Variants in LRRC3B observed in about 807,000 individuals in gnomAD.
LRRC3B encodes the protein leucine rich repeat containing 3B, also known as leucine-rich repeat-containing protein 3B.
LRRC3B carries 2 observed loss-of-function variants against 12.8 expected under a neutral mutation model. The ratio of observed to expected loss-of-function variants is 0.16; its 90% CI spans 0.06 to 0.49. LRRC3B has a LOEUF of 0.49. Ranked by LOEUF, LRRC3B falls within the 20% of genes least tolerant of loss-of-function variation. The pLI is 0.96. For synonymous variants in LRRC3B, 132 were observed against 122.0 expected, an observed-to-expected ratio of 1.08 and a Z score of -0.54; for missense variants, 189 against 319.4, an observed-to-expected ratio of 0.59 and a Z score of 3.11.
At chr3:26,636,852 C>CCCTT (rs1559350102) in intron 1 of LRRC3B, among the ~76,000 whole-genome samples, 9 of 88,788 alleles carry the variant, frequency 1.0e-4, no homozygotes, top group African/African-American at 3.3e-4. Context: ...CTCCCTCCCT[C>CCCTT]CCTCCCTCCC....
At chr3:26,633,888 C>G (rs901296800) in intron 1 of LRRC3B, among the ~76,000 whole-genome samples, 18 of 152,118 alleles carry the variant, frequency 1.2e-4, no homozygotes, top group African/African-American at 3.4e-4. Context: ...ATATAGGGAA[C>G]TTTGGGTTTT....
chr3:26,690,456 A>G (rs1434941598), intron 1 of LRRC3B, among the ~76,000 whole-genome samples: 1 of 152,194 alleles, frequency 6.6e-6, no homozygotes, highest in East Asian at 1.9e-4. Flanking sequence ...TGTCTGAGCA[A>G]GGAGACAGGG....
chr3:26,641,585 C>G (rs962261381), intron 1 of LRRC3B, among the ~76,000 whole-genome samples: 1 of 152,074 alleles, frequency 6.6e-6, no homozygotes, highest in African/African-American at 2.4e-5. Flanking sequence ...GAAACCCGAG[C>G]TGGAAGTGGC....
chr3:26,663,404 T>C (rs11926193), intron 1 of LRRC3B, among the ~76,000 whole-genome samples: 32,853 of 152,058 alleles, frequency 0.22, 3,918 homozygotes, highest in East Asian at 0.33. Flanking sequence ...TTAATTCTTT[T>C]AAGAGAATTT....
chr3:26,669,507 A>G (rs1699676585), intron 1 of LRRC3B, among the ~76,000 whole-genome samples: 1 of 152,158 alleles, frequency 6.6e-6, no homozygotes, highest in African/African-American at 2.4e-5. Flanking sequence ...TAAGGAGATG[A>G]ATATTACCTT....
At chr3:26,686,787 A>G (rs1024405947) in intron 1 of LRRC3B, among the ~76,000 whole-genome samples, 6 of 152,140 alleles carry the variant, frequency 3.9e-5, no homozygotes, top group African/African-American at 1.4e-4. Context: ...AATGGCAAGA[A>G]GGAGAAGATA....
Position 26,693,132 on chromosome 3 carries a change from C to T in LRRC3B, c.-160-16381C>T, listed in dbSNP as rs542273104. 5.3e-5 allele frequency among the ~76,000 whole-genome samples: 8 copies of T among 151,796 alleles called. No individual in the cohort carries two copies. In the East Asian group the frequency reaches 1.6e-3, roughly 29 times the overall value. ...GATCACGAGGTCAGGAGATCGAGACCATCCTGGCTAACACGGTGAAACCCC... is the reference window on the plus strand; with the variant it reads ...GATCACGAGGTCAGGAGATCGAGACTATCCTGGCTAACACGGTGAAACCCC... On this transcript the variant is annotated intron_variant, in intron 1 of 1. Transcript: ENST00000396641.
chr3:26,704,919 A>G, intron 1 of LRRC3B, among the ~76,000 whole-genome samples: 1 of 151,728 alleles, frequency 6.6e-6, no homozygotes, highest in African/African-American at 2.4e-5. Flanking sequence ...CTGTTTTGCT[A>G]TCTATTTCCT....
intron 1 of LRRC3B, among the ~76,000 whole-genome samples, chr3:26,631,839 C>T (rs1352808661): frequency 1.3e-5 from 2 of 152,142 alleles, no homozygotes; most frequent in Non-Finnish European, 2.9e-5. Context: ...GCTCTACTTC[C>T]CCCGTAAGAG....
chr3:26,702,755 C>G (rs1382575389), intron 1 of LRRC3B, among the ~76,000 whole-genome samples: 1 of 152,046 alleles, frequency 6.6e-6, no homozygotes, highest in Non-Finnish European at 1.5e-5. Flanking sequence ...GGCTTTTGCT[C>G]TTTCAGAACA....
At chr3:26,676,067 G>T (rs553536679) in intron 1 of LRRC3B, among the ~76,000 whole-genome samples, 11 of 150,512 alleles carry the variant, frequency 7.3e-5, no homozygotes, top group Non-Finnish European at 1.6e-4. Flanking sequence ...TTCAATTTGG[G>T]CCTGTTTTTT....
chr3:26,695,591 A>G (rs1013961585), intron 1 of LRRC3B, among the ~76,000 whole-genome samples: 3 of 152,238 alleles, frequency 2.0e-5, no homozygotes, highest in Non-Finnish European at 2.9e-5. Context: ...CAGTTTGAAA[A>G]AAACAGGTTT....
At chr3:26,660,836 G>T (rs1575136791) in intron 1 of LRRC3B, among the ~76,000 whole-genome samples, 3 of 152,052 alleles carry the variant, frequency 2.0e-5, no homozygotes, top group Non-Finnish European at 4.4e-5. Context: ...TACCTATTTT[G>T]CCCAAACCTA....
chr3:26,636,466 T>C (rs2125404062), intron 1 of LRRC3B, among the ~76,000 whole-genome samples: 1 of 152,336 alleles, frequency 6.6e-6, no homozygotes, highest in Non-Finnish European at 1.5e-5. Context: ...TTCATCTTTA[T>C]TCATATCTGG....
chr3:26,703,385 C>T (rs1700506773), intron 1 of LRRC3B, among the ~76,000 whole-genome samples: 2 of 152,104 alleles, frequency 1.3e-5, no homozygotes, highest in Non-Finnish European at 2.9e-5. Context: ...GAGCTTCCTA[C>T]AGCAAAAGAG....
intron 1 of LRRC3B, among the ~76,000 whole-genome samples, chr3:26,650,266 C>T (rs527980253): frequency 6.6e-6 from 1 of 152,282 alleles, no homozygotes; most frequent in South Asian, 2.1e-4. Flanking sequence ...ACCATCAGGG[C>T]CGTATGGCTC....
Position 26,672,833 on chromosome 3 carries a change from A to G in LRRC3B, c.-160-36680A>G, listed in dbSNP as rs1014190897. Reference sequence around the variant, plus strand: ...TCTTTATGGAACATCTTAATTCAGAAACAACTCCATAGTACGCTTTGTTTA... The same window carrying G: ...TCTTTATGGAACATCTTAATTCAGAGACAACTCCATAGTACGCTTTGTTTA... On this transcript the variant is annotated intron_variant, in intron 1 of 1. Transcript: ENST00000396641. 3.9e-5 allele frequency among the ~76,000 whole-genome samples: 6 copies of G among 152,194 alleles called. No individual in the cohort carries two copies. The South Asian group carries it at 1.2e-3, about 32-fold the overall frequency.
intron 1 of LRRC3B, among the ~76,000 whole-genome samples, chr3:26,663,773 CCT>C (rs1699542193): frequency 6.6e-6 from 1 of 152,100 alleles, no homozygotes; most frequent in African/African-American, 2.4e-5. Context: ...CTTATTCCTC[CCT>C]GTCAATCAAT....
intron 1 of LRRC3B, among the ~76,000 whole-genome samples, chr3:26,646,674 G>A (rs561673915): frequency 1.2e-3 from 175 of 141,060 alleles, no homozygotes; most frequent in Non-Finnish European, 2.0e-3. Context: ...TGCCCCTCAT[G>A]CAAAAATCAC....
Sources: allele counts gnomAD v4.1 joint callset (sites outside exome capture counted in the v4.1 genomes callset), GRCh38; gene constraint gnomAD v4.1.1; transcripts MANE v1.5; gene names NCBI Gene and HGNC (gene_info 2026-07-23, HGNC 2026-07-21).